The following PDE1C variants were observed in gnomAD, a reference collection of about 807,000 sequenced individuals.
PDE1C encodes phosphodiesterase 1C.
Under a neutral mutation model 93.1 loss-of-function variants are expected in PDE1C, and 62 were observed. The ratio of observed to expected loss-of-function variants is 0.67; its 90% CI spans 0.54 to 0.82. PDE1C has a LOEUF of 0.82. PDE1C is among the 40% of genes least tolerant of loss of function. The pLI is 0.00. For missense variants in PDE1C, 742 were observed against 884.6 expected (o/e 0.84, Z 2.04); for synonymous variants, 325 against 310.1 (o/e 1.05, Z -0.50).
At chr7:31,907,381 T>G (rs1351370947) in intron 2 of PDE1C, among the ~76,000 whole-genome samples, 1 of 152,068 alleles carries the variant, frequency 6.6e-6, no homozygotes, top group East Asian at 1.9e-4. Flanking sequence ...TTTTAATAAA[T>G]TAGAACCTGT....
chr7:31,692,808 G>A, the PDE1C span, among the ~76,000 whole-genome samples: 7 of 152,192 alleles, frequency 4.6e-5, no homozygotes. Flanking sequence ...AGAGTCCCAG[G>A]CAGAGCATTT....
intron 1 of PDE1C, among the ~76,000 whole-genome samples, chr7:32,061,188 C>T (rs1194109479): frequency 1.3e-5 from 2 of 152,188 alleles, no homozygotes; most frequent in Non-Finnish European, 2.9e-5. Context: ...AGACAAAATG[C>T]TCCATGCACT....
intron 16 of PDE1C, among the ~76,000 whole-genome samples, chr7:31,790,711 G>C (rs1402495901): frequency 6.6e-6 from 1 of 152,058 alleles, no homozygotes. Context: ...AAGTTTCCCA[G>C]AGACATTTAA....
At chr7:31,935,276 A>T (rs1284228073) in intron 2 of PDE1C, among the ~76,000 whole-genome samples, 1 of 152,164 alleles carries the variant, frequency 6.6e-6, no homozygotes, top group African/African-American at 2.4e-5. Context: ...AGTGCTTTTG[A>T]AAACCCACTT....
chr7:32,185,446 C>T (rs1319561120), intron 2 of PDE1C, among the ~76,000 whole-genome samples: 1 of 151,966 alleles, frequency 6.6e-6, no homozygotes, highest in Non-Finnish European at 1.5e-5. Context: ...ATAGTCTATT[C>T]CCCAATATTT....
intron 4 of PDE1C, 133 bp downstream of exon 4, chr7:31,878,863 A>G: frequency 2.5e-6 from 2 of 815,382 alleles, no homozygotes; most frequent in Non-Finnish European, 3.9e-6. Flanking sequence ...CTCATTCAAG[A>G]CTATCTGTTT....
chr7:31,857,270 C>T (rs1213244892), intron 7 of PDE1C, among the ~76,000 whole-genome samples: 1 of 152,102 alleles, frequency 6.6e-6, no homozygotes, highest in African/African-American at 2.4e-5. Flanking sequence ...ATGGGAATCA[C>T]TTTTGATTGC....
intron 2 of PDE1C, among the ~76,000 whole-genome samples, chr7:31,931,810 A>C (rs66610172): frequency 6.6e-6 from 1 of 151,920 alleles, no homozygotes; most frequent in East Asian, 1.9e-4. Flanking sequence ...AACAAACCTG[A>C]AGGCATCACA....
intron 1 of PDE1C, among the ~76,000 whole-genome samples, chr7:32,289,732 T>C (rs1812216827): frequency 2.6e-5 from 4 of 152,174 alleles, no homozygotes; most frequent in Admixed American, 1.3e-4. Flanking sequence ...AGCTTGTGAA[T>C]GCTGAATTAG....
the PDE1C span, among the ~76,000 whole-genome samples, chr7:31,737,899 T>C: frequency 1.3e-5 from 2 of 152,036 alleles, no homozygotes; most frequent in Admixed American, 6.6e-5. Flanking sequence ...ACCAGAGATT[T>C]AAGCCCTGTT....
chr7:31,648,386 T>C, the PDE1C span, among the ~76,000 whole-genome samples: 4 of 152,266 alleles, frequency 2.6e-5, no homozygotes, highest in East Asian at 7.7e-4. Flanking sequence ...TGAGGGTTTT[T>C]ATTTATTTTT....
intron 3 of PDE1C, among the ~76,000 whole-genome samples, chr7:32,160,597 T>C (rs1015862548): frequency 6.6e-6 from 1 of 152,132 alleles, no homozygotes; most frequent in African/African-American, 2.4e-5. Flanking sequence ...ATCCTGGCAC[T>C]CTGGGAGGTC....
upstream of PDE1C, among the ~76,000 whole-genome samples, chr7:32,304,262 C>T (rs182973795): frequency 6.6e-6 from 1 of 152,256 alleles, no homozygotes; most frequent in Non-Finnish European, 1.5e-5. Flanking sequence ...TGCACTCATA[C>T]TGCCTGTTTG....
intron 6 of PDE1C, among the ~76,000 whole-genome samples, chr7:31,872,336 G>C (rs969067620): frequency 4.6e-5 from 7 of 152,100 alleles, no homozygotes; most frequent in Admixed American, 1.3e-4. Flanking sequence ...GGTGACTACA[G>C]TTAACAAGAA....
the PDE1C span, among the ~76,000 whole-genome samples, chr7:31,671,373 T>TGA: frequency 6.6e-6 from 1 of 152,200 alleles, no homozygotes. Context: ...TACAAGGGGT[T>TGA]GAGTGCAGCA....
intron 2 of PDE1C, among the ~76,000 whole-genome samples, chr7:31,977,265 C>T (rs1239090267): frequency 1.3e-5 from 2 of 152,086 alleles, no homozygotes; most frequent in Non-Finnish European, 2.9e-5. Context: ...AGCTGACATG[C>T]CCTCTCAGCA....
In PDE1C at chr7:32,065,168, C is replaced by T. The variant is rs116499726; in HGVS notation, c.101+5125G>A. Among the ~76,000 whole-genome samples the T allele has an allele frequency of 9.4e-3, 1,429 of 152,156 alleles. 32 individuals are homozygous for T. The highest frequency in any genetic ancestry group is 0.032 in the African/African-American group (1,320 of 41,526). On this transcript the variant is annotated intron_variant, in intron 1 of 17. Coordinates refer to ENST00000396191, the MANE Select transcript of PDE1C (RefSeq NM_001191057.4). The stretch of plus-strand genomic sequence containing the variant: ...AACCATACTCTCTCCTTAGGGAATT[C>T]TCAATGAGTGGTGAACATAGAGAAG...
At chr7:31,772,649 A>G (rs10275897) in intron 17 of PDE1C, among the ~76,000 whole-genome samples, 46,919 of 151,946 alleles carry the variant, frequency 0.31, 7,788 homozygotes, top group African/African-American at 0.42. Context: ...GAACTTACTC[A>G]ACCATCTTGA....
rs1784298871 is a variant in PDE1C, at chr7:31,789,060, C to T, written c.1892-13328G>A. The T allele has an allele frequency of 2.6e-5, 4 of 152,140 alleles. No individual in the cohort carries two copies. The South Asian group carries it at 8.3e-4, about 32-fold the overall frequency. The allele number at this position is 152,140 out of a possible 1,614,324, so 9.4% of individuals were successfully genotyped here. ...CTAGCTCTCTTTCTATTACTAATCC[C>T]CACTTCATCATCAGCATATTCATGT... On this transcript the variant is annotated intron_variant, in intron 16 of 17. Transcript: ENST00000396191.
Sources: gnomAD v4.1 joint callset for allele counts (sites outside exome capture counted in the v4.1 genomes callset) on GRCh38, gnomAD v4.1.1 for gene constraint, MANE v1.5 for transcripts, NCBI Gene and HGNC (gene_info 2026-07-23, HGNC 2026-07-21) for gene names.